The following DNAH5 variants were observed in gnomAD, a reference collection of about 807,000 sequenced individuals.
DNAH5 encodes the protein axonemal beta dynein heavy chain 5.
In DNAH5, 372 loss-of-function variants were observed where a neutral mutation model predicts 518.2. The ratio of observed to expected loss-of-function variants is 0.72; its 90% CI spans 0.66 to 0.78. The LOEUF is 0.78. DNAH5 is among the 30% of genes least tolerant of loss of function. The pLI, the probability that DNAH5 is intolerant of heterozygous loss-of-function variation, is 0.00. For synonymous variants in DNAH5, 2,039 were observed against 2,025.9 expected (o/e 1.01, Z -0.17); for missense variants, 5,523 against 5,687.0 (o/e 0.97, Z 0.93).
Position 13,871,640 on chromosome 5 carries a change from G to A in DNAH5, c.3522C>T (p.Leu1174=). 1 of 1,613,784 alleles carries A rather than the reference G, an allele frequency of 6.2e-7. No individual in the cohort carries two copies. The highest frequency in any genetic ancestry group is 8.5e-7 in the Non-Finnish European group (1 of 1,179,778). The change falls in exon 23 of 79, where the codon CTC becomes CTT. Residue 1174 remains leucine (L), a synonymous_variant. Transcript: ENST00000265104. ...TTTCCTGCTCTAGGTTTTGGAAATA[G>A]AGAATCTGGGACTCAAATTCAGAAA... ...PLLSEFESQI[L]YFQNLEQEIN... is the part of the protein sequence containing the mutation.
intron 1 of DNAH5, among the ~76,000 whole-genome samples, chr5:13,961,196 C>A (rs536069608): frequency 3.1e-4 from 47 of 152,270 alleles, no homozygotes; most frequent in Admixed American, 2.6e-3. Flanking sequence ...ATATAAAAAT[C>A]ATCTTTTTAA....
In DNAH5 at chr5:13,886,064, A is replaced by G; in HGVS notation, c.2643T>C (p.Asn881=). ...FKSSLVEEAV[N]ELVNMLLDVE... is the part of the protein sequence containing the mutation. ...CATCCAGCAACATATTTACAAGCTC[A>G]TTGACTGCCTCCTCCACTAATGAGC... Residue 881 remains asparagine, a synonymous_variant, in exon 18 of 79, where the codon AAT becomes AAC. Transcript: ENST00000265104. 6.2e-7 allele frequency: 1 copy of G among 1,603,622 alleles called. No individual in the cohort carries two copies. The highest frequency in any genetic ancestry group is 2.3e-5 in the East Asian group (1 of 44,436).
intron 12 of DNAH5, among the ~76,000 whole-genome samples, chr5:13,905,408 A>G (rs1310998432): frequency 9.2e-5 from 14 of 152,188 alleles, no homozygotes; most frequent in Admixed American, 9.2e-4. Context: ...TCTGCCATGC[A>G]GCAAGAAGGC....
At chr5:13,974,652 T>C (rs1012421338) in intron 1 of DNAH5, among the ~76,000 whole-genome samples, 7 of 152,140 alleles carry the variant, frequency 4.6e-5, no homozygotes, top group African/African-American at 1.4e-4. Context: ...GGCTGAAACA[T>C]TGAACTGGTG....
At chr5:13,935,449 A>ATG (rs1778835130) in intron 1 of DNAH5, among the ~76,000 whole-genome samples, 1 of 152,226 alleles carries the variant, frequency 6.6e-6, no homozygotes. Flanking sequence ...TTTTAAGTAA[A>ATG]TGTTTTCAGA....
Position 13,964,114 on chromosome 5 carries a change from G to T in DNAH5, c.13-32870C>A, listed in dbSNP as rs576225842. Among the ~76,000 whole-genome samples the T allele has an allele frequency of 2.0e-5, 3 of 152,304 alleles. No individual in the cohort carries two copies. The East Asian group carries it at 5.8e-4, about 29-fold the overall frequency. Reference sequence around the variant, plus strand: ...GGACTGTTCCTCAGCTATAGGCCTTGGCCTACAGTCCTCAGTAAAACTGTA... The same window carrying T: ...GGACTGTTCCTCAGCTATAGGCCTTTGCCTACAGTCCTCAGTAAAACTGTA... On this transcript the variant is annotated intron_variant, in intron 1 of 78. Coordinates refer to the DNAH5 transcript ENST00000681290.
intron 76 of DNAH5, among the ~76,000 whole-genome samples, chr5:13,703,793 G>A (rs1338124688): frequency 6.6e-6 from 1 of 152,192 alleles, no homozygotes; most frequent in Admixed American, 6.5e-5. Context: ...GTTTCTGGCT[G>A]TTTCAGAGAC....
At chr5:13,980,118 G>A (rs1782571644) in intron 1 of DNAH5, among the ~76,000 whole-genome samples, 2 of 152,022 alleles carry the variant, frequency 1.3e-5, no homozygotes, top group African/African-American at 4.8e-5. Flanking sequence ...GATTACAGGC[G>A]TGACCCACCG....
intron 14 of DNAH5, 55 bp from the exon 15 acceptor site, chr5:13,900,467 T>C (rs537138591): frequency 7.2e-7 from 1 of 1,391,556 alleles, no homozygotes; most frequent in South Asian, 1.2e-5. Flanking sequence ...ATGCAGAGTA[T>C]CTAGCTCAGC....
intron 42 of DNAH5, among the ~76,000 whole-genome samples, chr5:13,815,484 G>C (rs776754637): frequency 2.0e-5 from 3 of 152,088 alleles, no homozygotes; most frequent in Non-Finnish European, 4.4e-5. Flanking sequence ...TGCAACATGG[G>C]GTACAGCAAG....
intron 60 of DNAH5, 126 bp downstream of exon 60, chr5:13,762,596 T>G (rs1751932691): frequency 1.2e-6 from 1 of 806,912 alleles, no homozygotes; most frequent in South Asian, 1.5e-5. Context: ...CTATGCTCAC[T>G]CTCCCCATGG....
intron 1 of DNAH5, among the ~76,000 whole-genome samples, chr5:13,940,683 G>T (rs1779375190): frequency 6.6e-6 from 1 of 152,168 alleles, no homozygotes; most frequent in Admixed American, 6.5e-5. Context: ...TCTCAAGGAA[G>T]TCATTTTACA....
At chr5:13,790,193 T>C (rs543870934) in intron 50 of DNAH5, among the ~76,000 whole-genome samples, 15 of 152,160 alleles carry the variant, frequency 9.9e-5, no homozygotes, top group South Asian at 6.2e-4. Flanking sequence ...GAAATCCCAT[T>C]ACAGGGTATA....
chr5:13,716,307 T>C (rs1254981312), intron 74 of DNAH5, among the ~76,000 whole-genome samples, 180 bp downstream of exon 74: 1 of 152,088 alleles, frequency 6.6e-6, no homozygotes, highest in East Asian at 1.9e-4. Context: ...TCAGAACAAA[T>C]ATAAACATTT....
At chr5:13,765,159 T>C (rs921458040) in intron 59 of DNAH5, among the ~76,000 whole-genome samples, 3 of 152,224 alleles carry the variant, frequency 2.0e-5, no homozygotes, top group African/African-American at 7.2e-5. Flanking sequence ...AAAACAGCCA[T>C]CATGGGAGTG....
chr5:13,866,757 TG>T (rs999299866), intron 25 of DNAH5, among the ~76,000 whole-genome samples: 4 of 152,236 alleles, frequency 2.6e-5, no homozygotes, highest in African/African-American at 9.6e-5. Flanking sequence ...CGTTGGTACA[TG>T]GGTCCAATCT....
intron 65 of DNAH5, among the ~76,000 whole-genome samples, chr5:13,738,087 TAAAA>T (rs61001745): frequency 7.5e-6 from 1 of 132,594 alleles, no homozygotes; most frequent in Non-Finnish European, 1.6e-5. Context: ...AATAAAATGT[TAAAA>T]AAAAAAAAAA....
intron 70 of DNAH5, among the ~76,000 whole-genome samples, chr5:13,724,945 A>C (rs1286334122): frequency 6.6e-6 from 1 of 152,190 alleles, no homozygotes; most frequent in African/African-American, 2.4e-5. Flanking sequence ...TAAATTACCC[A>C]GTCTCAGATA....
chr5:13,920,437 G>A, intron 6 of DNAH5, 43 bp downstream of exon 6: 8 of 1,612,538 alleles, frequency 5.0e-6, no homozygotes, highest in Non-Finnish European at 6.8e-6. Flanking sequence ...GTCTAGCGCA[G>A]TAATGTGGCA....
Sources: gnomAD v4.1 joint callset for allele counts (sites outside exome capture counted in the v4.1 genomes callset) on GRCh38, gnomAD v4.1.1 for gene constraint, MANE v1.5 for transcripts, NCBI Gene and HGNC (gene_info 2026-07-23, HGNC 2026-07-21) for gene names.